Variants in AIDA observed in about 807,000 individuals in gnomAD.
AIDA encodes axin interactor, dorsalization-associated protein.
AIDA carries 18 observed loss-of-function variants against 42.7 expected under a neutral mutation model. The ratio of observed to expected loss-of-function variants is 0.42; its 90% CI spans 0.29 to 0.63. AIDA has a LOEUF of 0.63. Among genes scored for constraint, AIDA ranks in the 20% least tolerant of loss-of-function variants. AIDA has a pLI of 0.19. For synonymous variants in AIDA, 104 were observed against 122.9 expected, an observed-to-expected ratio of 0.85 and a Z score of 1.02; for missense variants, 250 against 354.1, an observed-to-expected ratio of 0.71 and a Z score of 2.36.
chr1:222,690,669 TAC>T (rs1378656703), intron 4 of AIDA, among the ~76,000 whole-genome samples: 1 of 118,020 alleles, frequency 8.5e-6, no homozygotes, highest in Admixed American at 1.0e-4. Flanking sequence ...TTATAATCTA[TAC>T]GTTTATATGT....
intron 4 of AIDA, among the ~76,000 whole-genome samples, chr1:222,689,167 T>C (rs1358692526): frequency 1.3e-5 from 2 of 151,794 alleles, no homozygotes; most frequent in Non-Finnish European, 2.9e-5. Context: ...GGCTGGCGCA[T>C]TGGTTCACAC....
chr1:222,692,498 T>C (rs546276903), intron 4 of AIDA, among the ~76,000 whole-genome samples: 1 of 152,340 alleles, frequency 6.6e-6, no homozygotes, highest in South Asian at 2.1e-4. Context: ...ACTGTTCCCA[T>C]CTGAAAGATT....
At chr1:222,679,669 A>G (rs183134977) in intron 6 of AIDA, among the ~76,000 whole-genome samples, 5 of 152,272 alleles carry the variant, frequency 3.3e-5, no homozygotes, top group Admixed American at 6.5e-5. Flanking sequence ...TCTGCCCACA[A>G]TCATATAGCA....
intron 2 of AIDA, among the ~76,000 whole-genome samples, chr1:222,699,352 T>C (rs1458465195): frequency 2.0e-5 from 3 of 152,236 alleles, no homozygotes; most frequent in African/African-American, 7.2e-5. Flanking sequence ...TTTTTTCTCC[T>C]TTGGCTTGCA....
intron 5 of AIDA, 72 bp from the exon 6 acceptor site, chr1:222,687,108 C>A: frequency 6.4e-7 from 1 of 1,556,082 alleles, no homozygotes; most frequent in South Asian, 1.2e-5. Flanking sequence ...CACAGACACT[C>A]GTTTCCCAGG....
chr1:222,699,605 G>T (rs1291669002), intron 2 of AIDA, among the ~76,000 whole-genome samples: 1 of 152,002 alleles, frequency 6.6e-6, no homozygotes, highest in Non-Finnish European at 1.5e-5. Context: ...TAATTTTTCA[G>T]AACCAATGTT....
chr1:222,682,649 T>C (rs1271291483), intron 6 of AIDA, among the ~76,000 whole-genome samples: 1 of 152,194 alleles, frequency 6.6e-6, no homozygotes, highest in Non-Finnish European at 1.5e-5. Context: ...TTATCATACT[T>C]GTAATTAAAT....
chr1:222,677,944 G>T (rs1464702472), intron 6 of AIDA, among the ~76,000 whole-genome samples: 1 of 152,074 alleles, frequency 6.6e-6, no homozygotes. Flanking sequence ...ATTATTGGAG[G>T]TGTATCTTCA....
chr1:222,709,242 C>T (rs902415535), intron 1 of AIDA, among the ~76,000 whole-genome samples: 1 of 152,060 alleles, frequency 6.6e-6, no homozygotes. Context: ...ACCAGCCTGG[C>T]CAAGATGGTG....
intron 7 of AIDA, among the ~76,000 whole-genome samples, chr1:222,675,865 T>C (rs1485911597): frequency 6.6e-6 from 1 of 152,014 alleles, no homozygotes; most frequent in Non-Finnish European, 1.5e-5. Context: ...AAAGAAAAAC[T>C]CAAAAGCAAA....
intron 1 of AIDA, 24 bp from the exon 2 acceptor site, chr1:222,703,241 T>A (rs757475826): frequency 6.3e-7 from 1 of 1,575,208 alleles, no homozygotes; most frequent in Non-Finnish European, 8.6e-7. Context: ...ACATATTCTT[T>A]AGAATGGAAG....
intron 6 of AIDA, among the ~76,000 whole-genome samples, chr1:222,682,675 A>G (rs1459485818): frequency 2.0e-5 from 3 of 152,192 alleles, no homozygotes; most frequent in Non-Finnish European, 4.4e-5. Flanking sequence ...TATCTGGTAC[A>G]TATCTGATTT....
At chr1:222,672,658 A>G (rs1317180132) in intron 8 of AIDA, among the ~76,000 whole-genome samples, 4 of 152,218 alleles carry the variant, frequency 2.6e-5, no homozygotes, top group Non-Finnish European at 5.9e-5. Context: ...ACCAGACTTG[A>G]GAAGTGAAAT....
At chr1:222,691,403 G>A (rs1484487510) in intron 4 of AIDA, among the ~76,000 whole-genome samples, 1 of 152,170 alleles carries the variant, frequency 6.6e-6, no homozygotes, top group Non-Finnish European at 1.5e-5. Context: ...CTGAATCTCA[G>A]TTTCCTCAAT....
At position 222,712,348 on chromosome 1, in the gene AIDA, C is replaced by T. The variant is rs1182995282; in HGVS notation, c.-31G>A. 1 of 1,525,514 alleles carries T rather than the reference C, an allele frequency of 6.6e-7. No individual in the cohort carries two copies. The allele number at this position is 1,525,514 out of a possible 1,614,324, so 94.5% of individuals were successfully genotyped here. ...GTCCCCACCCCGTCCCCTCCCGCCCCTACCCCAGCAAGGCCGGGTTCTAGG... is the reference window on the plus strand; with the variant it reads ...GTCCCCACCCCGTCCCCTCCCGCCCTTACCCCAGCAAGGCCGGGTTCTAGG... On this transcript the variant is annotated 5_prime_UTR_variant, in exon 1 of 10. Transcript: ENST00000340020.
chr1:222,693,655 G>A, intron 4 of AIDA, 134 bp downstream of exon 4: 1 of 653,166 alleles, frequency 1.5e-6, no homozygotes, highest in Non-Finnish European at 2.5e-6. Context: ...AGTAACAAAA[G>A]CACCCAAAAA....
chr1:222,676,006 C>G (rs1204014363), intron 7 of AIDA, 90 bp downstream of exon 7: 11 of 1,418,776 alleles, frequency 7.8e-6, no homozygotes, highest in Admixed American at 5.2e-5. Flanking sequence ...CATAAGACTC[C>G]CCGCCCCACC....
intron 5 of AIDA, 44 bp downstream of exon 5, chr1:222,687,551 G>T: frequency 7.0e-7 from 1 of 1,419,972 alleles, no homozygotes; most frequent in South Asian, 1.3e-5. Context: ...CTGAAAGAGA[G>T]GTATAAAATA....
chr1:222,674,278 G>A (rs1224764386), intron 7 of AIDA, among the ~76,000 whole-genome samples: 1 of 152,094 alleles, frequency 6.6e-6, no homozygotes, highest in East Asian at 1.9e-4. Flanking sequence ...GGGAGATTTC[G>A]CGGTGGGAAG....
Sources: allele counts gnomAD v4.1 joint callset (sites outside exome capture counted in the v4.1 genomes callset), GRCh38; gene constraint gnomAD v4.1.1; transcripts MANE v1.5; gene names NCBI Gene and HGNC (gene_info 2026-07-23, HGNC 2026-07-21).